Variants in SLC66A2 observed in about 807,000 individuals in gnomAD.
SLC66A2 encodes PQ loop repeat containing 1.
SLC66A2 carries 23 observed loss-of-function variants against 25.5 expected under a neutral mutation model. The observed-to-expected ratio is 0.90, with a 90% confidence interval of 0.65 to 1.28. The LOEUF (loss-of-function observed/expected upper bound fraction) is 1.28, where lower values mean the gene tolerates loss of function less well. Ranked by LOEUF, SLC66A2 falls within the 50% of genes most tolerant of loss-of-function variation. The pLI, the probability that SLC66A2 is intolerant of heterozygous loss-of-function variation, is 0.00. For synonymous variants in SLC66A2, 193 were observed against 166.5 expected, an observed-to-expected ratio of 1.16 and a Z score of -1.23; for missense variants, 396 against 373.1, an observed-to-expected ratio of 1.06 and a Z score of -0.51.
chr18:79,933,841 G>C lies in SLC66A2; in HGVS notation c.391+128C>G. 4 of 761,512 alleles carry C rather than the reference G, an allele frequency of 5.3e-6. No individual in the cohort carries two copies. The South Asian group carries it at 6.4e-5, about 12-fold the overall frequency. 47.2% of individuals were successfully genotyped at this position (761,512 alleles called of 1,614,324 possible). A position where few individuals can be genotyped will look rare whatever the true frequency, so the allele number is the denominator to read the frequency against. ...GCTAGGAGTTGATTAGTTTGCTGTA[G>C]ACTCGGCCACGCTTGGTAAAGATGA... On this transcript the variant is annotated intron_variant, in intron 4 of 5. Transcript: ENST00000397778.
rs995921581 is a variant in SLC66A2 at position 79,940,580 on chromosome 18, T to C, written c.337+2749A>G. 6.6e-6 allele frequency among the ~76,000 whole-genome samples: 1 copy of C among 151,922 alleles called. No individual in the cohort carries two copies. The highest frequency in any genetic ancestry group is 1.5e-5 in the Non-Finnish European group (1 of 68,010). On this transcript the variant is annotated intron_variant, in intron 3 of 5. Coordinates refer to ENST00000397778, the MANE Select transcript of SLC66A2 (RefSeq NM_025078.5). The surrounding 1 kb of genome is among the most constrained non-coding windows in gnomAD (Gnocchi z 4.1). Reference sequence around the variant, plus strand: ...GGAAGACAAGGCTGGCCACCTTGCTTGGCATGGGGCTGTGCTGCAGGAGCT... The same window carrying C: ...GGAAGACAAGGCTGGCCACCTTGCTCGGCATGGGGCTGTGCTGCAGGAGCT...
rs1374304254 is a variant in SLC66A2, at chr18:79,907,355, T to G, written c.609-3172A>C. On this transcript the variant is annotated intron_variant, in intron 5 of 5. Coordinates refer to ENST00000397778, the MANE Select transcript of SLC66A2 (RefSeq NM_025078.5). Reference sequence around the variant, plus strand: ...TATAGTTTTTTTTTTTTTTGGTTGTTTTTTTTTTTTTTTTGAGAAGGAGTC... The same window carrying G: ...TATAGTTTTTTTTTTTTTTGGTTGTGTTTTTTTTTTTTTTGAGAAGGAGTC... 2.4e-3 allele frequency among the ~76,000 whole-genome samples: 15 copies of G among 6,140 alleles called. No individual in the cohort carries two copies. The East Asian group carries it at 0.21, about 86-fold the overall frequency. 4.0% of individuals were successfully genotyped at this position (6,140 alleles called of 152,430 possible). A position where few individuals can be genotyped will look rare whatever the true frequency, so the allele number is the denominator to read the frequency against.
intron 4 of SLC66A2, among the ~76,000 whole-genome samples, chr18:79,923,720 AAAG>A (rs1193175842): frequency 6.6e-6 from 1 of 152,224 alleles, no homozygotes; most frequent in Non-Finnish European, 1.5e-5. Flanking sequence ...ACAGGCAACA[AAAG>A]AAGAATAAAA....
rs756555931 is a variant in SLC66A2 at position 79,950,885 on chromosome 18, G to C, written c.42C>G (p.His14Gln). ...EGLDWLLVPL[H>Q]QLVSWGAAAA... ...CGGCCGCGCCCCAGGACACCAGCTG[G>C]TGCAGTGGCACCAGGAGCCAGTCCA... is the stretch of plus-strand genomic sequence containing the variant. The change falls in exon 2 of 6, where the codon CAC becomes CAG. Residue 14 changes from histidine (H) to glutamine (Q), a missense_variant. His to Gln is a conservative substitution (Grantham distance 24, BLOSUM62 0). Transcript: ENST00000397778. 1.8e-5 allele frequency: 29 copies of C among 1,601,474 alleles called. No individual in the cohort carries two copies. The highest frequency in any genetic ancestry group is 5.1e-5 in the Admixed American group (3 of 58,452).
At chr18:79,909,715 A>AGACTTTTTCTAGTTCACTCTCTT (rs1568292532) in intron 5 of SLC66A2, among the ~76,000 whole-genome samples, 10 of 105,872 alleles carry the variant, frequency 9.4e-5, no homozygotes, top group Non-Finnish European at 1.5e-4. Flanking sequence ...CCATCTCACA[A>AGACTTTTTCTAGTTCACTCTCTT]CAGAGTCCCC....
At chr18:79,948,622 C>T (rs936405409) in intron 2 of SLC66A2, among the ~76,000 whole-genome samples, 6 of 152,098 alleles carry the variant, frequency 3.9e-5, no homozygotes, top group Admixed American at 1.3e-4. Context: ...ATTACAGGAG[C>T]GGGCCACCGT....
chr18:79,907,334 G>GTTTTTTTTTTTTTTTTTGTTTTTTT (rs57635823), intron 5 of SLC66A2, among the ~76,000 whole-genome samples: 11 of 116,892 alleles, frequency 9.4e-5, no homozygotes, highest in African/African-American at 1.3e-4. Flanking sequence ...TCTTTGTATA[G>GTTTTTTTTTTTTTTTTTGTTTTTTT]TTTTTTTTTT....
intron 4 of SLC66A2, among the ~76,000 whole-genome samples, chr18:79,928,538 C>T (rs1986240142): frequency 6.6e-6 from 1 of 152,202 alleles, no homozygotes; most frequent in African/African-American, 2.4e-5. Flanking sequence ...ACAGCACCCA[C>T]TTAAAGTCCC....
rs1037852284 is a variant in SLC66A2, at chr18:79,917,114, C to T, written c.608+2070G>A. On this transcript the variant is annotated intron_variant, in intron 5 of 5. Coordinates refer to ENST00000397778, the MANE Select transcript of SLC66A2 (RefSeq NM_025078.5). This position sits in a 1 kb window ranked among gnomAD's most constrained non-coding sequence, Gnocchi z 6.0. ...CACACACAGACCCCCCTTCCACAGGCGTTTCTGGAGCCTTCCCCGTGTGTG... is the reference window on the plus strand; with the variant it reads ...CACACACAGACCCCCCTTCCACAGGTGTTTCTGGAGCCTTCCCCGTGTGTG... Among the ~76,000 whole-genome samples the T allele has an allele frequency of 7.9e-5, 12 of 152,248 alleles. No homozygotes were observed. Among genetic ancestry groups the T allele is most frequent in the African/African-American group, 2.2e-4 (9 of 41,476 alleles).
Position 79,914,714 on chromosome 18 carries a change from C to A in SLC66A2, c.608+4470G>T, listed in dbSNP as rs192299500. On this transcript the variant is annotated intron_variant, in intron 5 of 5. Transcript: ENST00000397778. The stretch of plus-strand genomic sequence containing the variant: ...GCAGAGGTGGGGACCCTGTGCCCCA[C>A]AGGCTGCAGTGCCAAGGGAGGAAGG... 9.8e-5 allele frequency among the ~76,000 whole-genome samples: 15 copies of A among 152,374 alleles called. No individual in the cohort carries two copies. The East Asian group carries it at 2.9e-3, about 29-fold the overall frequency.
At position 79,941,002 on chromosome 18, in the gene SLC66A2, C is replaced by T. The variant is rs769325309; in HGVS notation, c.337+2327G>A. Among the ~76,000 whole-genome samples the T allele has an allele frequency of 2.6e-5, 4 of 152,080 alleles. No homozygotes were observed. The highest frequency in any genetic ancestry group is 4.4e-5 in the Non-Finnish European group (3 of 68,008). ...CGGCCCCCTACCCCTCGTGGCGGCC[C>T]TGGACTGCTTCCCAAATACTCCAGG... On this transcript the variant is annotated intron_variant, in intron 3 of 5. Coordinates refer to ENST00000397778, the MANE Select transcript of SLC66A2 (RefSeq NM_025078.5). The surrounding 1 kb of genome is among the most constrained non-coding windows in gnomAD (Gnocchi z 4.1).
At chr18:79,948,782 A>G (rs942461324) in intron 2 of SLC66A2, among the ~76,000 whole-genome samples, 16 of 152,208 alleles carry the variant, frequency 1.1e-4, no homozygotes, top group African/African-American at 2.9e-4. Context: ...TATAACCCTG[A>G]AGACGAGTGC....
At chr18:79,908,758 T>TCTCCA (rs1982502831) in intron 5 of SLC66A2, among the ~76,000 whole-genome samples, 1 of 152,256 alleles carries the variant, frequency 6.6e-6, no homozygotes, top group South Asian at 2.1e-4. Context: ...AACTTCACTA[T>TCTCCA]TTCCTCTCAT....
chr18:79,904,249 G>A lies in SLC66A2; in HGVS notation c.609-66C>T. 1.4e-6 allele frequency: 2 copies of A among 1,441,918 alleles called. No homozygotes were observed. Among genetic ancestry groups the A allele is most frequent in the South Asian group, 2.3e-5 (2 of 86,536 alleles). 89.3% of individuals were successfully genotyped at this position (1,441,918 alleles called of 1,614,324 possible). Reference sequence around the variant, plus strand: ...GCGACCTGGGCTCAGTCAGTGGGGAGGCCTGGGGCTTAGACAGCGGGGAGA... The same window carrying A: ...GCGACCTGGGCTCAGTCAGTGGGGAAGCCTGGGGCTTAGACAGCGGGGAGA... On this transcript the variant is annotated intron_variant, in intron 5 of 5. Transcript: ENST00000397778. This position sits in a 1 kb window ranked among gnomAD's most constrained non-coding sequence, Gnocchi z 6.3.
rs759178516 is a variant in SLC66A2, at chr18:79,904,068, G to C, written c.724C>G (p.Leu242Val). ...VCGLLQVLVD[L>V]AILGQAYAFA... ...GCGTAGGCCTGCCCCAGGATGGCCA[G>C]GTCCACCAGCACCTGCAGCAGGCCG... Residue 242 changes from leucine to valine, a missense_variant, in exon 6 of 6, where the codon CTG becomes GTG. Physicochemically the swap from Leu to Val is conservative, Grantham distance 32. Transcript: ENST00000397778. This position sits in a 1 kb window ranked among gnomAD's most constrained non-coding sequence, Gnocchi z 6.3. 6.2e-7 allele frequency: 1 copy of C among 1,612,090 alleles called. No individual in the cohort carries two copies. The highest frequency in any genetic ancestry group is 1.3e-5 in the African/African-American group (1 of 74,990).
At position 79,917,376 on chromosome 18, in the gene SLC66A2, G is replaced by A. The variant is rs1403235123; in HGVS notation, c.608+1808C>T. Among the ~76,000 whole-genome samples, 1 of 152,226 alleles carries A rather than the reference G, an allele frequency of 6.6e-6. No homozygotes were observed. The highest frequency in any genetic ancestry group is 1.5e-5 in the Non-Finnish European group (1 of 68,026). On this transcript the variant is annotated intron_variant, in intron 5 of 5. Transcript: ENST00000397778. The surrounding 1 kb of genome is among the most constrained non-coding windows in gnomAD (Gnocchi z 6.0). ...TGAGGTCACACACGGCCAGCTCCTT[G>A]TGAGGGGCCAGGAGGCCGGCATGTG...
Position 79,904,884 on chromosome 18 carries a change from T to G in SLC66A2, c.609-701A>C, listed in dbSNP as rs1056920400. Among the ~76,000 whole-genome samples the G allele has an allele frequency of 1.3e-5, 2 of 152,162 alleles. No individual in the cohort carries two copies. Among genetic ancestry groups the G allele is most frequent in the African/African-American group, 2.4e-5 (1 of 41,442 alleles). On this transcript the variant is annotated intron_variant, in intron 5 of 5. Coordinates refer to ENST00000397778, the MANE Select transcript of SLC66A2 (RefSeq NM_025078.5). This position sits in a 1 kb window ranked among gnomAD's most constrained non-coding sequence, Gnocchi z 6.3. The stretch of plus-strand genomic sequence containing the variant: ...GTTTAAATCAGCGGCCGCTGACCCT[T>G]CCACAGCTCCTGAAGCCAGAGGCAG...
intron 4 of SLC66A2, among the ~76,000 whole-genome samples, chr18:79,929,294 A>G (rs1986319805): frequency 6.6e-6 from 1 of 152,198 alleles, no homozygotes; most frequent in Non-Finnish European, 1.5e-5. Context: ...GCCATCAATG[A>G]GTGGAGGCCA....
chr18:79,913,318 G>A (rs966545017), intron 5 of SLC66A2, among the ~76,000 whole-genome samples: 3 of 151,820 alleles, frequency 2.0e-5, no homozygotes, highest in African/African-American at 7.3e-5. Flanking sequence ...CACCCCCGCT[G>A]CCCTCATCAT....
Sources: gnomAD v4.1 joint callset for allele counts (sites outside exome capture counted in the v4.1 genomes callset) on GRCh38, gnomAD v4.1.1 for gene constraint, Gnocchi (gnomAD v3.1) non-coding constraint, MANE v1.5 for transcripts, NCBI Gene and HGNC (gene_info 2026-07-23, HGNC 2026-07-21) for gene names.